Variants in SPC25 observed in about 807,000 individuals in gnomAD.
SPC25 encodes kinetochore protein Spc25.
A neutral mutation model predicts 29.6 loss-of-function variants in SPC25; 22 were observed. That is an observed-to-expected ratio of 0.74 (90% CI 0.53 to 1.06). SPC25 has a LOEUF of 1.06. SPC25 is among the 50% of genes least tolerant of loss of function. The probability of loss-of-function intolerance (pLI) is 0.00; values close to 1 mark genes in which losing one functional copy is unlikely to be tolerated. For synonymous variants in SPC25, 91 were observed against 90.4 expected (o/e 1.01, Z -0.04); for missense variants, 230 against 255.8 (o/e 0.90, Z 0.69).
chr2:168,887,557 A>C lies in SPC25; in HGVS notation c.199+1669T>G, dbSNP rs117715822. 4.9e-3 allele frequency among the ~76,000 whole-genome samples: 754 copies of C among 152,342 alleles called. 9 individuals are homozygous for C. The East Asian group carries it at 0.055, about 11-fold the overall frequency. On this transcript the variant is annotated intron_variant, in intron 3 of 6. Transcript: ENST00000282074. ...TGAGTAAAGTGGGTAAGTCAAGGCT[A>C]CCCATTTTGCAAATGAAAGAACATA...
chr2:168,866,846 T>C (rs930654730), downstream of SPC25, among the ~76,000 whole-genome samples: 1 of 151,910 alleles, frequency 6.6e-6, no homozygotes, highest in African/African-American at 2.4e-5. Flanking sequence ...AGAAGACATT[T>C]ATGCAGCCAA....
rs184245102 is a variant in SPC25, at chr2:168,879,715, A to T, written c.200-2331T>A. 9.8e-3 allele frequency among the ~76,000 whole-genome samples: 1,492 copies of T among 152,222 alleles called. 28 individuals are homozygous for T. The highest frequency in any genetic ancestry group is 0.034 in the African/African-American group (1,406 of 41,536). ...CCTTTCTCTGGAAGGTTTTCAATTTATTTTGCCCAGATCTATCAGAGTTAA... is the reference window on the plus strand; with the variant it reads ...CCTTTCTCTGGAAGGTTTTCAATTTTTTTTGCCCAGATCTATCAGAGTTAA... On this transcript the variant is annotated intron_variant, in intron 3 of 6. Transcript: ENST00000282074.
At position 168,870,989 on chromosome 2, in the gene SPC25, A is replaced by T. The variant is rs1689968624; in HGVS notation, c.*442T>A. Reference sequence around the variant, plus strand: ...CCAACAATGATAGACTGGATTAAGAAAATGTGGCACATATACACCATGGAA... The same window carrying T: ...CCAACAATGATAGACTGGATTAAGATAATGTGGCACATATACACCATGGAA... On this transcript the variant is annotated 3_prime_UTR_variant, in exon 7 of 7. Transcript: ENST00000282074. 1 of 152,184 alleles carries T rather than the reference A, an allele frequency of 6.6e-6. No individual in the cohort carries two copies. 9.4% of individuals were successfully genotyped at this position (152,184 alleles called of 1,614,324 possible).
chr2:168,862,451 G>C (rs1157132459), intron 4 of SPC25, among the ~76,000 whole-genome samples: 4 of 152,224 alleles, frequency 2.6e-5, no homozygotes, highest in Non-Finnish European at 4.4e-5. Context: ...TAGAATGTCA[G>C]TGATGGAAAG....
downstream of SPC25, among the ~76,000 whole-genome samples, chr2:168,869,113 T>C (rs991014325): frequency 1.3e-5 from 2 of 152,188 alleles, no homozygotes; most frequent in Non-Finnish European, 2.9e-5. Flanking sequence ...AACCACATAA[T>C]TATCTCAATA....
downstream of SPC25, among the ~76,000 whole-genome samples, chr2:168,867,027 G>T (rs1240214565): frequency 6.6e-6 from 1 of 152,012 alleles, no homozygotes; most frequent in Non-Finnish European, 1.5e-5. Flanking sequence ...ACTGTTGGTG[G>T]GACTGTAAAC....
intron 4 of SPC25, chr2:168,864,776 C>A (rs990196601): frequency 1.3e-5 from 21 of 1,588,164 alleles, no homozygotes; most frequent in Non-Finnish European, 1.8e-5. Context: ...TCTTATCAAT[C>A]GGGCTGAGGC....
At chr2:168,888,767 A>G (rs1574367015) in intron 3 of SPC25, among the ~76,000 whole-genome samples, 1 of 149,136 alleles carries the variant, frequency 6.7e-6, no homozygotes, top group South Asian at 2.1e-4. Context: ...ATATATGTAT[A>G]TATATATATT....
At chr2:168,866,757 A>G (rs1689862558), downstream of SPC25, among the ~76,000 whole-genome samples, 1 of 135,774 alleles carries the variant, frequency 7.4e-6, no homozygotes, top group African/African-American at 2.9e-5. Flanking sequence ...CAGAATCTAC[A>G]ACGAACTCAA....
intron 3 of SPC25, among the ~76,000 whole-genome samples, chr2:168,881,996 AT>A (rs1219751022): frequency 6.6e-6 from 1 of 152,250 alleles, no homozygotes; most frequent in African/African-American, 2.4e-5. Flanking sequence ...AAAATTCAGA[AT>A]CAACCTAGAT....
chr2:168,889,617 C>G, intron 1 of SPC25, 84 bp from the exon 2 acceptor site: 6 of 1,403,640 alleles, frequency 4.3e-6, no homozygotes, highest in Non-Finnish European at 5.7e-6. Flanking sequence ...AGTATTTTGG[C>G]AATTTGTCCT....
At chr2:168,866,210 T>C (rs1192360725), downstream of SPC25, among the ~76,000 whole-genome samples, 1 of 152,304 alleles carries the variant, frequency 6.6e-6, no homozygotes, top group African/African-American at 2.4e-5. Context: ...TCACGCTACC[T>C]GACTTCAAAC....
chr2:168,861,918 C>A (rs754949541), intron 4 of SPC25: 2 of 1,558,722 alleles, frequency 1.3e-6, no homozygotes, highest in Non-Finnish European at 1.8e-6. Context: ...TATTCATTTG[C>A]CTGCTAACAC....
At chr2:168,861,948 T>TATC in intron 4 of SPC25, 1 of 1,613,574 alleles carries the variant, frequency 6.2e-7, no homozygotes. Flanking sequence ...ATTACAGCTT[T>TATC]ATCTATTTCA....
At chr2:168,861,676 C>T (rs935549648) in intron 4 of SPC25, among the ~76,000 whole-genome samples, 2 of 152,084 alleles carry the variant, frequency 1.3e-5, no homozygotes, top group Admixed American at 6.6e-5. Context: ...AACATGCATG[C>T]AATTACTATT....
chr2:168,862,989 A>T (rs1336025490), intron 4 of SPC25, among the ~76,000 whole-genome samples: 1 of 147,854 alleles, frequency 6.8e-6, no homozygotes, highest in African/African-American at 2.6e-5. Context: ...TGCCAGTCAT[A>T]TCTCTCCAGG....
intron 3 of SPC25, among the ~76,000 whole-genome samples, chr2:168,878,568 T>C (rs1339317960): frequency 6.6e-6 from 1 of 152,212 alleles, no homozygotes; most frequent in Non-Finnish European, 1.5e-5. Flanking sequence ...ATTTAGCTGG[T>C]AAAACTATAA....
intron 4 of SPC25, chr2:168,861,899 T>C: frequency 6.8e-7 from 1 of 1,465,356 alleles, no homozygotes; most frequent in African/African-American, 1.4e-5. Context: ...ACCAAAGAGC[T>C]TCAGCTCATA....
intron 5 of SPC25, among the ~76,000 whole-genome samples, chr2:168,875,798 A>C (rs993666818): frequency 2.4e-4 from 37 of 152,168 alleles, no homozygotes; most frequent in Admixed American, 1.5e-3. Flanking sequence ...ATAGCAACTG[A>C]GGAAATGCTC....
Sources: allele counts gnomAD v4.1 joint callset (sites outside exome capture counted in the v4.1 genomes callset), GRCh38; gene constraint gnomAD v4.1.1; transcripts MANE v1.5; gene names NCBI Gene and HGNC (gene_info 2026-07-23, HGNC 2026-07-21).